Variants in CAMTA1 observed in about 807,000 individuals in gnomAD.
CAMTA1 encodes the protein calmodulin binding transcription activator 1, also known as calmodulin-binding transcription activator 1.
Under a neutral mutation model 170.9 loss-of-function variants are expected in CAMTA1, and 27 were observed. The ratio of observed to expected loss-of-function variants is 0.16; its 90% CI spans 0.12 to 0.22. The LOEUF is 0.22. Among genes scored for constraint, CAMTA1 ranks in the 10% least tolerant of loss-of-function variants. CAMTA1 has a pLI of 1.00. For synonymous variants in CAMTA1, 833 were observed against 891.5 expected (o/e 0.93, Z 1.17); for missense variants, 1,619 against 2,217.2 (o/e 0.73, Z 5.42).
At chr1:7,457,984 T>C (rs1030324587) in intron 5 of CAMTA1, among the ~76,000 whole-genome samples, 2 of 151,662 alleles carry the variant, frequency 1.3e-5, no homozygotes, top group Non-Finnish European at 2.9e-5. Flanking sequence ...TGCCTCATGA[T>C]GGGGTGGGGC....
chr1:7,761,441 A>G (rs1016295914), intron 22 of CAMTA1, among the ~76,000 whole-genome samples: 2 of 151,558 alleles, frequency 1.3e-5, no homozygotes, highest in Non-Finnish European at 2.9e-5. Flanking sequence ...TTTTTTTTAG[A>G]TAGCCTGGAC....
At chr1:6,977,330 GC>G (rs1360743441) in intron 3 of CAMTA1, among the ~76,000 whole-genome samples, 2 of 151,496 alleles carry the variant, frequency 1.3e-5, no homozygotes, top group Admixed American at 6.6e-5. Context: ...ACTGGGCAAA[GC>G]TTTTTTTTTT....
intron 4 of CAMTA1, among the ~76,000 whole-genome samples, chr1:7,166,135 C>T (rs983165080): frequency 2.6e-5 from 4 of 151,720 alleles, no homozygotes; most frequent in African/African-American, 7.3e-5. Flanking sequence ...GGCATGATCT[C>T]GGCTCACTGC....
rs2095707054 is a variant in CAMTA1, at chr1:7,635,699, G to C, written c.511-4701G>C. On this transcript the variant is annotated intron_variant, in intron 6 of 22. Coordinates refer to ENST00000303635, the MANE Select transcript of CAMTA1 (RefSeq NM_015215.4). This position sits in a 1 kb window ranked among gnomAD's most constrained non-coding sequence, Gnocchi z 4.4. ...AGGCCCAACCCGGGCATTCCTGCAG[G>C]CCGCCCTGCTGAGCTGGTCCACCTG... 1.3e-5 allele frequency among the ~76,000 whole-genome samples: 2 copies of C among 151,892 alleles called. No homozygotes were observed. Among genetic ancestry groups the C allele is most frequent in the South Asian group, 4.2e-4 (2 of 4,814 alleles).
rs571534624 is a variant in CAMTA1, at chr1:7,734,848, G to A, written c.3067-1496G>A. 4.3e-4 allele frequency among the ~76,000 whole-genome samples: 66 copies of A among 152,194 alleles called. No homozygotes were observed. In the East Asian group the frequency reaches 0.011, roughly 25 times the overall value. On this transcript the variant is annotated intron_variant, in intron 12 of 22. Transcript: ENST00000303635. ...TGGAGTTTATTGCCAGAAAAAAAAA[G>A]TACTTTTTAAGTAACACCAGAGATA... is the stretch of plus-strand genomic sequence containing the variant.
At chr1:7,518,423 C>A (rs2094316345) in intron 6 of CAMTA1, among the ~76,000 whole-genome samples, 1 of 151,954 alleles carries the variant, frequency 6.6e-6, no homozygotes, top group Non-Finnish European at 1.5e-5. Flanking sequence ...CCCCCAAGGT[C>A]AGTGTCTCCA....
chr1:7,033,260 T>C lies in CAMTA1; in HGVS notation c.235-58044T>C, dbSNP rs114176516. 2.5e-3 allele frequency among the ~76,000 whole-genome samples: 383 copies of C among 152,306 alleles called. 1 individual carries two copies. Among genetic ancestry groups the C allele is most frequent in the African/African-American group, 9.0e-3 (373 of 41,572 alleles). On this transcript the variant is annotated intron_variant, in intron 3 of 22. Transcript: ENST00000303635. ...CATTTCCTGTCTTTCAGTTCACTAA[T>C]ATTTTCTTTAGTGGTGTCTAATTGT...
chr1:6,837,998 A>G (rs958925506), intron 3 of CAMTA1, among the ~76,000 whole-genome samples: 2 of 152,190 alleles, frequency 1.3e-5, no homozygotes, highest in Non-Finnish European at 2.9e-5. Flanking sequence ...CTTAAGTTCC[A>G]GGTGGACAGG....
chr1:7,466,755 A>G (rs914095250), intron 5 of CAMTA1, among the ~76,000 whole-genome samples: 5 of 152,120 alleles, frequency 3.3e-5, no homozygotes, highest in African/African-American at 1.2e-4. Flanking sequence ...TCTGAAGCTG[A>G]TGGAAGGGAG....
At chr1:7,120,549 G>C (rs922725796) in intron 4 of CAMTA1, among the ~76,000 whole-genome samples, 3 of 152,222 alleles carry the variant, frequency 2.0e-5, no homozygotes, top group African/African-American at 7.2e-5. Flanking sequence ...ACAAATCACA[G>C]AAGTACTATC....
chr1:7,310,647 T>TCTTTCTTTCTTTCC (rs61161982), intron 5 of CAMTA1, among the ~76,000 whole-genome samples: 4 of 49,148 alleles, frequency 8.1e-5, no homozygotes, highest in Non-Finnish European at 1.6e-4. Context: ...TTTCTTTCTT[T>TCTTTCTTTCTTTCC]TTTCTTTCTT....
chr1:7,619,578 A>G (rs1233119249), intron 6 of CAMTA1, among the ~76,000 whole-genome samples: 1 of 152,188 alleles, frequency 6.6e-6, no homozygotes, highest in East Asian at 1.9e-4. Flanking sequence ...AGATGGGAGA[A>G]TAATTGGCCA....
At chr1:7,106,358 G>A (rs1288012795) in intron 4 of CAMTA1, among the ~76,000 whole-genome samples, 1 of 152,096 alleles carries the variant, frequency 6.6e-6, no homozygotes, top group East Asian at 1.9e-4. Context: ...GAGCAAAAGA[G>A]AGGGAGGGAG....
At chr1:6,995,877 T>C (rs758903770) in intron 3 of CAMTA1, among the ~76,000 whole-genome samples, 2 of 152,190 alleles carry the variant, frequency 1.3e-5, no homozygotes, top group Non-Finnish European at 2.9e-5. Context: ...GGCATAAGAC[T>C]GGCTAGTTCA....
At chr1:7,181,261 T>G (rs1311686249) in intron 4 of CAMTA1, among the ~76,000 whole-genome samples, 1 of 152,196 alleles carries the variant, frequency 6.6e-6, no homozygotes, top group African/African-American at 2.4e-5. Flanking sequence ...GAAAAAATAT[T>G]TGAATCCTAA....
At chr1:6,946,518 C>G (rs1419703192) in intron 3 of CAMTA1, among the ~76,000 whole-genome samples, 1 of 152,138 alleles carries the variant, frequency 6.6e-6, no homozygotes, top group Non-Finnish European at 1.5e-5. Flanking sequence ...TTATAGCCAT[C>G]CTACTGGGTA....
At chr1:7,601,431 G>A (rs1309750767) in intron 6 of CAMTA1, among the ~76,000 whole-genome samples, 1 of 152,070 alleles carries the variant, frequency 6.6e-6, no homozygotes, top group Non-Finnish European at 1.5e-5. Flanking sequence ...ATGGCGGCCG[G>A]GCAGAGACGC....
intron 6 of CAMTA1, among the ~76,000 whole-genome samples, chr1:7,582,418 A>G (rs1257571429): frequency 1.3e-5 from 2 of 152,164 alleles, no homozygotes; most frequent in South Asian, 4.1e-4. Flanking sequence ...CAGCAGGAAG[A>G]TCTGCCTGGG....
In CAMTA1 at chr1:7,342,459, A is replaced by C. The variant is rs1444931610; in HGVS notation, c.438+92833A>C. Among the ~76,000 whole-genome samples the C allele has an allele frequency of 2.0e-5, 3 of 152,158 alleles. No individual in the cohort carries two copies. The South Asian group carries it at 6.2e-4, about 31-fold the overall frequency. ...GTTTCCTGTGTGGGAATTGAGGCTCAGGTTGTGCCTGGAGGAGTGAGACTG... is the reference window on the plus strand; with the variant it reads ...GTTTCCTGTGTGGGAATTGAGGCTCCGGTTGTGCCTGGAGGAGTGAGACTG... On this transcript the variant is annotated intron_variant, in intron 5 of 22. Transcript: ENST00000303635.
Sources: allele counts gnomAD v4.1 joint callset (sites outside exome capture counted in the v4.1 genomes callset), GRCh38; gene constraint gnomAD v4.1.1; non-coding constraint Gnocchi (gnomAD v3.1); transcripts MANE v1.5; gene names NCBI Gene and HGNC (gene_info 2026-07-23, HGNC 2026-07-21).